The following MYO18B variants were observed in gnomAD, a reference collection of about 807,000 sequenced individuals.
The protein encoded by MYO18B is unconventional myosin-XVIIIb.
A neutral mutation model predicts 273.0 loss-of-function variants in MYO18B; 204 were observed. The observed-to-expected ratio is 0.75, with a 90% CI of 0.67 to 0.84. The LOEUF (loss-of-function observed/expected upper bound fraction) is 0.84. Among genes scored for constraint, MYO18B ranks in the 40% least tolerant of loss-of-function variants. MYO18B has a pLI of 0.00. For synonymous variants in MYO18B, 1,330 were observed against 1,305.7 expected (o/e 1.02, Z -0.40); for missense variants, 3,212 against 3,287.6 (o/e 0.98, Z 0.56).
chr22:26,027,320 G>A lies in MYO18B; in HGVS notation c.7346G>A (p.Arg2449Gln), dbSNP rs776459632. The change falls in exon 43 of 44, where the codon CGG becomes CAG. Residue 2449 changes from arginine (R) to glutamine (Q), a missense_variant. Transcript: ENST00000335473. The surrounding 1 kb of genome is among the most constrained non-coding windows in gnomAD (Gnocchi z 4.1). ...TTCGATGACTTCCTCCCAGCTATCC[G>A]GAAGCCCCAGACACCTACCTCCTTG... ...VDFDDFLPAI[R>Q]KPQTPTSLAG... is the part of the protein sequence containing the mutation. The A allele has an allele frequency of 2.5e-5, 40 of 1,613,888 alleles. No homozygotes were observed. The highest frequency in any genetic ancestry group is 1.6e-4 in the East Asian group (7 of 44,876).
At chr22:25,751,920 G>C (rs896777267) in intron 1 of MYO18B, among the ~76,000 whole-genome samples, 3 of 152,182 alleles carry the variant, frequency 2.0e-5, no homozygotes, top group African/African-American at 7.2e-5. Flanking sequence ...GGTTACCAGG[G>C]ATCCAGCACA....
intron 12 of MYO18B, among the ~76,000 whole-genome samples, chr22:25,800,962 A>G (rs1471545183): frequency 6.6e-6 from 1 of 152,270 alleles, no homozygotes; most frequent in Non-Finnish European, 1.5e-5. Context: ...AGCTGCCGTC[A>G]GTCTGCCTGG....
At chr22:25,797,163 G>A (rs2087953851) in intron 11 of MYO18B, among the ~76,000 whole-genome samples, 1 of 152,224 alleles carries the variant, frequency 6.6e-6, no homozygotes, top group African/African-American at 2.4e-5. Flanking sequence ...GGGGCGCGGA[G>A]GTTGCAGTGA....
chr22:25,905,584 A>G (rs898454854), intron 31 of MYO18B, among the ~76,000 whole-genome samples: 3 of 152,218 alleles, frequency 2.0e-5, no homozygotes, highest in African/African-American at 7.2e-5. Flanking sequence ...AATTGGCTGA[A>G]TGAGAGAGTT....
At chr22:25,866,574 C>T (rs1393143981) in intron 21 of MYO18B, among the ~76,000 whole-genome samples, 1 of 152,088 alleles carries the variant, frequency 6.6e-6, no homozygotes, top group African/African-American at 2.4e-5. Flanking sequence ...GGCACAGTGG[C>T]TCACACCTGT....
At chr22:25,767,999 C>A in intron 3 of MYO18B, 116 bp from the exon 4 acceptor site, 2 of 1,016,032 alleles carry the variant, frequency 2.0e-6, no homozygotes, top group South Asian at 3.2e-5. Context: ...GCTCGAGCAT[C>A]TGTGGAAGGA....
At chr22:25,987,719 C>T (rs964230396) in intron 39 of MYO18B, among the ~76,000 whole-genome samples, 17 of 151,906 alleles carry the variant, frequency 1.1e-4, no homozygotes, top group African/African-American at 3.4e-4. Flanking sequence ...ATCAGTGCTG[C>T]GCCTCATAGG....
intron 5 of MYO18B, 134 bp downstream of exon 5, chr22:25,770,310 C>A: frequency 1.3e-6 from 1 of 764,366 alleles, no homozygotes; most frequent in Non-Finnish European, 2.2e-6. Context: ...GACTGTCTTT[C>A]AAAGGCATTT....
intron 14 of MYO18B, among the ~76,000 whole-genome samples, chr22:25,827,757 A>T (rs2089549086): frequency 6.6e-6 from 1 of 152,172 alleles, no homozygotes; most frequent in African/African-American, 2.4e-5. Flanking sequence ...AGTACTGGGA[A>T]TGGGAAATGA....
chr22:25,809,207 C>T (rs191976661), intron 12 of MYO18B, among the ~76,000 whole-genome samples: 3 of 152,042 alleles, frequency 2.0e-5, no homozygotes, highest in Non-Finnish European at 2.9e-5. Flanking sequence ...CCTCCCAAAG[C>T]GCTGGGATTA....
chr22:25,898,381 TACCTGTG>T lies in MYO18B; in HGVS notation c.4748_4754del (p.Cys1583LeufsTer8), dbSNP rs772427330. The T allele has an allele frequency of 6.2e-7, 1 of 1,613,938 alleles. No individual in the cohort carries two copies. The highest frequency in any genetic ancestry group is 8.5e-7 in the Non-Finnish European group (1 of 1,179,862). Reference sequence around the variant, plus strand: ...AACTGAAGAGGAAGTGCCACCATCTTACCTGTGACCTTGAGGATACCTGCGTCCTGCT... The same window carrying T: ...AACTGAAGAGGAAGTGCCACCATCTTACCTTGAGGATACCTGCGTCCTGCT... On this transcript the variant is annotated frameshift_variant, in exon 29 of 44. Coordinates refer to ENST00000335473, the MANE Select transcript of MYO18B (RefSeq NM_032608.7). LOFTEE classifies it high-confidence loss of function.
At chr22:25,915,141 T>C (rs1408832466) in intron 33 of MYO18B, among the ~76,000 whole-genome samples, 1 of 152,212 alleles carries the variant, frequency 6.6e-6, no homozygotes, top group East Asian at 1.9e-4. Context: ...AGAAAGATAT[T>C]TGACATCCTT....
intron 13 of MYO18B, 84 bp downstream of exon 13, chr22:25,823,762 T>A (rs1196609458): frequency 1.1e-5 from 16 of 1,452,506 alleles, no homozygotes; most frequent in African/African-American, 2.8e-5. Flanking sequence ...TTAACTTTTT[T>A]ATCAAAGATT....
Position 26,026,727 on chromosome 22 carries a change from G to A in MYO18B, c.6753G>A (p.Ser2251=), listed in dbSNP as rs751962940. ...EKLPSPSAAL[S]EFVEGLRRKR... ...TGCCCAGTCCTTCAGCGGCCCTCTC[G>A]GAGTTCGTGGAAGGGCTCCGGAGGA... The change falls in exon 43 of 44, where the codon TCG becomes TCA. Residue 2251 remains serine, a synonymous_variant. Transcript: ENST00000335473. The A allele has an allele frequency of 3.2e-5, 51 of 1,613,426 alleles. No individual in the cohort carries two copies. Among genetic ancestry groups the A allele is most frequent in the South Asian group, 2.9e-4 (26 of 90,990 alleles).
chr22:25,814,699 C>T (rs2088926332), intron 12 of MYO18B, among the ~76,000 whole-genome samples: 1 of 152,018 alleles, frequency 6.6e-6, no homozygotes, highest in Non-Finnish European at 1.5e-5. Flanking sequence ...CTGGACTCAT[C>T]ATTCAGAGAC....
At chr22:25,846,304 A>G (rs1453996204) in intron 19 of MYO18B, 21 bp downstream of exon 19, 1 of 1,608,190 alleles carries the variant, frequency 6.2e-7, no homozygotes, top group Non-Finnish European at 8.5e-7. Flanking sequence ...ACCCTGTCTC[A>G]TGGTGTCCTG....
At chr22:25,909,853 A>G (rs1413872346) in intron 32 of MYO18B, among the ~76,000 whole-genome samples, 1 of 152,214 alleles carries the variant, frequency 6.6e-6, no homozygotes, top group African/African-American at 2.4e-5. Flanking sequence ...GGGGTGGCAG[A>G]AAGAGCTGGG....
chr22:26,049,574 TC>T, the MYO18B span, among the ~76,000 whole-genome samples: 1 of 152,222 alleles, frequency 6.6e-6, no homozygotes, highest in African/African-American at 2.4e-5. Context: ...CATAATGTGC[TC>T]TTGAAAAAAC....
intron 2 of MYO18B, among the ~76,000 whole-genome samples, chr22:25,761,682 C>G (rs1222497158): frequency 7.2e-5 from 11 of 152,200 alleles, no homozygotes; most frequent in Non-Finnish European, 1.3e-4. Context: ...ACCCTCACTC[C>G]ACCTTGTGCA....
Sources: allele counts gnomAD v4.1 joint callset (sites outside exome capture counted in the v4.1 genomes callset), GRCh38; gene constraint gnomAD v4.1.1; non-coding constraint Gnocchi (gnomAD v3.1); transcripts MANE v1.5; gene names NCBI Gene and HGNC (gene_info 2026-07-23, HGNC 2026-07-21).